PGM1: variants seen among roughly 807,000 people sequenced by gnomAD.
PGM1 encodes phosphoglucomutase 1.
In PGM1, 52 loss-of-function variants were observed where a neutral mutation model predicts 55.6. The ratio of observed to expected loss-of-function variants is 0.94; its 90% CI spans 0.75 to 1.18. The LOEUF is 1.18. Ranked by LOEUF, PGM1 falls within the 50% of genes most tolerant of loss-of-function variation. The probability of loss-of-function intolerance (pLI) is 0.00; values close to 1 mark genes in which losing one functional copy is unlikely to be tolerated. For missense variants in PGM1, 724 were observed against 729.3 expected, an observed-to-expected ratio of 0.99 and a Z score of 0.08; for synonymous variants, 287 against 271.7, an observed-to-expected ratio of 1.06 and a Z score of -0.55.
At chr1:63,651,363 G>A (rs1339594393) in intron 8 of PGM1, 6 of 347,838 alleles carry the variant, frequency 1.7e-5, no homozygotes, top group African/African-American at 1.3e-4. Flanking sequence ...GTGACTAAAT[G>A]TTAGATAGCA....
At chr1:63,615,675 G>A (rs942800161) in intron 1 of PGM1, among the ~76,000 whole-genome samples, 1 of 145,890 alleles carries the variant, frequency 6.9e-6, no homozygotes, top group African/African-American at 2.5e-5. Context: ...CGATTCTCCT[G>A]CCTCAGCCTC....
intron 3 of PGM1, 48 bp downstream of exon 3, chr1:63,630,136 A>C (rs1261751300): frequency 1.3e-6 from 2 of 1,590,446 alleles, no homozygotes; most frequent in African/African-American, 2.7e-5. Flanking sequence ...TTCCAAGTTG[A>C]GCGATTTTCC....
intron 6 of PGM1, among the ~76,000 whole-genome samples, chr1:63,637,237 T>A (rs1649389069): frequency 6.6e-6 from 1 of 152,240 alleles, no homozygotes; most frequent in Non-Finnish European, 1.5e-5. Flanking sequence ...CATGTTTTAA[T>A]TCATTTACTT....
chr1:63,659,843 C>T lies in PGM1; in HGVS notation c.*168C>T, dbSNP rs915440426. ...TACAAGGCACTGCCAAACAAGATGC[C>T]CTTGGGAGCTGTGAGGGAAAGAGGA... is the stretch of plus-strand genomic sequence containing the variant. On this transcript the variant is annotated 3_prime_UTR_variant, in exon 11 of 11. Transcript: ENST00000371084. 5 of 674,220 alleles carry T rather than the reference C, an allele frequency of 7.4e-6. No homozygotes were observed. In the East Asian group the frequency reaches 1.1e-4, roughly 15 times the overall value. 41.8% of individuals were successfully genotyped at this position (674,220 alleles called of 1,614,324 possible).
At chr1:63,629,914 A>G (rs2100982292) in intron 2 of PGM1, 28 bp from the exon 3 acceptor site, 1 of 1,613,662 alleles carries the variant, frequency 6.2e-7, no homozygotes, top group Non-Finnish European at 8.5e-7. Context: ...TGCACGAAGT[A>G]ACCCACTGTT....
chr1:63,629,684 T>G, intron 2 of PGM1, 97 bp downstream of exon 2: 2 of 1,250,696 alleles, frequency 1.6e-6, no homozygotes, highest in Non-Finnish European at 2.3e-6. Context: ...GTTCTGATCC[T>G]TTGCAGGGGG....
In PGM1 at chr1:63,659,591, G is replaced by C. The variant is rs745729340; in HGVS notation, c.1605G>C (p.Met535Ile). Residue 535 changes from methionine (M) to isoleucine (I), a missense_variant, in exon 11 of 11, where the codon ATG (methionine) becomes ATC (isoleucine). Met to Ile is a conservative substitution (Grantham distance 10). Around this residue, in one of 3 missense-constraint regions of PGM1, gnomAD observed 316 missense variants for 313.1 expected, o/e 1.01. Transcript: ENST00000371084. The part of the protein sequence containing the change: ...VAKINQDPQV[M>I]LAPLISIALK... ...TCTCTCTATGTCTTCCTCAGGTCAT[G>C]TTGGCCCCCCTTATTTCCATTGCTC... 5 of 1,613,512 alleles carry C rather than the reference G, an allele frequency of 3.1e-6. No individual in the cohort carries two copies. The Admixed American group carries it at 8.3e-5, about 27-fold the overall frequency.
At chr1:63,624,963 C>T (rs751840549) in intron 1 of PGM1, among the ~76,000 whole-genome samples, 1 of 152,122 alleles carries the variant, frequency 6.6e-6, no homozygotes, top group Non-Finnish European at 1.5e-5. Context: ...TATTATGAAG[C>T]ATACACATTT....
At chr1:63,639,863 T>A (rs1008606694) in intron 7 of PGM1, among the ~76,000 whole-genome samples, 10 of 152,050 alleles carry the variant, frequency 6.6e-5, no homozygotes, top group Non-Finnish European at 1.5e-4. Flanking sequence ...ATTTACAGAG[T>A]TCTAAGCAAC....
intron 7 of PGM1, among the ~76,000 whole-genome samples, chr1:63,646,537 G>A (rs1301489430): frequency 6.6e-6 from 1 of 152,128 alleles, no homozygotes; most frequent in Non-Finnish European, 1.5e-5. Context: ...AAAGAACAGT[G>A]TCTTGGAGTT....
Position 63,638,631 on chromosome 1 carries a change from A to G in PGM1, c.1029-54A>G, listed in dbSNP as rs11577919. On this transcript the variant is annotated intron_variant, in intron 6 of 10. Coordinates refer to ENST00000371084, the MANE Select transcript of PGM1 (RefSeq NM_002633.3). ...ACGATTGCCCTTTTCCGTCCCTCAC[A>G]TGGCCACGCTAACAGTCCTGCTGTG... 6,703 of 1,181,506 alleles carry G rather than the reference A, an allele frequency of 5.7e-3. 35 individuals carry two copies. The highest frequency in any genetic ancestry group is 0.011 in the Middle Eastern group (55 of 5,232). The allele number at this position is 1,181,506 out of a possible 1,614,324, so 73.2% of individuals were successfully genotyped here.
At chr1:63,596,509 G>A (rs771447486) in intron 1 of PGM1, among the ~76,000 whole-genome samples, 4 of 151,780 alleles carry the variant, frequency 2.6e-5, no homozygotes, top group Non-Finnish European at 4.4e-5. Context: ...CACCCTCCTC[G>A]GCCTCCCAAG....
chr1:63,609,007 T>C (rs1305966888), intron 1 of PGM1, among the ~76,000 whole-genome samples: 2 of 152,166 alleles, frequency 1.3e-5, no homozygotes, highest in African/African-American at 2.4e-5. Context: ...TTATTCCAAA[T>C]ACTGAGGCCA....
intron 4 of PGM1, among the ~76,000 whole-genome samples, chr1:63,633,947 T>TATTTTTTA (rs1557433847): frequency 8.3e-6 from 1 of 119,762 alleles, no homozygotes; most frequent in Admixed American, 8.5e-5. Context: ...TTTTTTTTTT[T>TATTTTTTA]TTTTTTTTTT....
chr1:63,648,615 G>T lies in PGM1; in HGVS notation c.1243G>T (p.Asp415Tyr), dbSNP rs781522442. The change falls in exon 8 of 11, where the codon GAT (aspartate) becomes TAT (tyrosine). Residue 415 changes from aspartate (D) to tyrosine (Y), a missense_variant. By Grantham distance (160) the Asp-to-Tyr change is radical (BLOSUM62 -3). Transcript: ENST00000371084. ...GCAGAGTGTGGAGGACATTCTCAAA[G>T]ATCATTGGCAAAAGTATGGCCGGAA... ...RKQSVEDILK[D>Y]HWQKYGRNFF... The T allele has an allele frequency of 3.7e-6, 6 of 1,614,018 alleles. No individual in the cohort carries two copies.
intron 1 of PGM1, among the ~76,000 whole-genome samples, chr1:63,621,227 C>G (rs1178284213): frequency 6.6e-6 from 1 of 151,872 alleles, no homozygotes; most frequent in African/African-American, 2.4e-5. Flanking sequence ...AAATGTTGCT[C>G]TCGTAATTCT....
chr1:63,619,488 C>T (rs1429856879), intron 1 of PGM1, among the ~76,000 whole-genome samples: 1 of 152,204 alleles, frequency 6.6e-6, no homozygotes, highest in Non-Finnish European at 1.5e-5. Flanking sequence ...CAAAGCCACC[C>T]CAGCTAAGGA....
At chr1:63,639,835 G>T (rs946348493) in intron 7 of PGM1, among the ~76,000 whole-genome samples, 8 of 152,166 alleles carry the variant, frequency 5.3e-5, no homozygotes, top group Non-Finnish European at 1.2e-4. Flanking sequence ...AGAATGAGCT[G>T]CTAAATTGGA....
intron 1 of PGM1, among the ~76,000 whole-genome samples, chr1:63,624,992 T>C (rs1648981916): frequency 6.6e-6 from 1 of 152,232 alleles, no homozygotes; most frequent in Non-Finnish European, 1.5e-5. Flanking sequence ...AAATGTGACA[T>C]GCCATAAATT....
Sources: gnomAD v4.1 joint callset for allele counts (sites outside exome capture counted in the v4.1 genomes callset) on GRCh38, gnomAD v4.1.1 for gene constraint, gnomAD v4.1.1 regional missense constraint, MANE v1.5 for transcripts, NCBI Gene and HGNC (gene_info 2026-07-23, HGNC 2026-07-21) for gene names.